ABI1: variants seen among roughly 807,000 people sequenced by gnomAD.
ABI1 encodes Abelson interactor 1.
Under a neutral mutation model 54.6 loss-of-function variants are expected in ABI1, and 14 were observed. That is an observed-to-expected ratio of 0.26 (90% CI 0.17 to 0.40). ABI1 has a LOEUF of 0.40. Ranked by LOEUF, ABI1 falls within the 10% of genes least tolerant of loss-of-function variation. The probability of loss-of-function intolerance (pLI) is 1.00; values close to 1 mark genes in which losing one functional copy is unlikely to be tolerated. For missense variants in ABI1, 443 were observed against 598.3 expected (o/e 0.74, Z 2.71); for synonymous variants, 194 against 209.3 (o/e 0.93, Z 0.63).
At chr10:26,847,343 C>G (rs114986768) in intron 1 of ABI1, among the ~76,000 whole-genome samples, 3 of 152,078 alleles carry the variant, frequency 2.0e-5, no homozygotes, top group Non-Finnish European at 2.9e-5. Context: ...CTCTGAGGAC[C>G]AGGCATGGTG....
chr10:26,782,637 C>T (rs1259153552), intron 2 of ABI1, among the ~76,000 whole-genome samples: 3 of 151,238 alleles, frequency 2.0e-5, no homozygotes, highest in African/African-American at 7.3e-5. Context: ...GCAGGAGAAA[C>T]GCTTGAACCA....
intron 6 of ABI1, among the ~76,000 whole-genome samples, chr10:26,765,697 G>T (rs1839867909): frequency 6.6e-6 from 1 of 151,514 alleles, no homozygotes. Flanking sequence ...AGGGAGAGTG[G>T]GAGGGAAAGT....
intron 5 of ABI1, among the ~76,000 whole-genome samples, chr10:26,770,025 T>C (rs553209647): frequency 6.6e-6 from 1 of 152,200 alleles, no homozygotes; most frequent in Non-Finnish European, 1.5e-5. Flanking sequence ...CATTTATACA[T>C]ACATAAAAAC....
At chr10:26,810,341 G>A (rs968435716) in intron 2 of ABI1, among the ~76,000 whole-genome samples, 1 of 152,032 alleles carries the variant, frequency 6.6e-6, no homozygotes, top group African/African-American at 2.4e-5. Context: ...ATCTGCACCA[G>A]CCCCACTCTT....
chr10:26,794,230 C>T lies in ABI1; in HGVS notation c.286-16989G>A, dbSNP rs368381756. 3.9e-4 allele frequency among the ~76,000 whole-genome samples: 59 copies of T among 151,976 alleles called. 1 individual carries two copies. The South Asian group carries it at 0.012, about 32-fold the overall frequency. On this transcript the variant is annotated intron_variant, in intron 2 of 10. Coordinates refer to ENST00000376140, the MANE Select transcript of ABI1 (RefSeq NM_001012750.3). The stretch of plus-strand genomic sequence containing the variant: ...TGTACTCCAGCCTGAGCAACCCTGT[C>T]TCCAAAATAAATAAAAATAAAAATA...
Position 26,773,212 on chromosome 10 carries a change from A to ATTTTTTTTTTTTTTTTTTTTTTTTT in ABI1, c.463-2124_463-2123insAAAAAAAAAAAAAAAAAAAAAAAAA, listed in dbSNP as rs1342694391. ...CATAGGCACTAAATGTCTAATGCTA[A>ATTTTTTTTTTTTTTTTTTTTTTTTT]TTCTTTTTTTTTTTTTGCTGGCTCT... is the stretch of plus-strand genomic sequence containing the variant. On this transcript the variant is annotated intron_variant, in intron 3 of 10. Coordinates refer to ENST00000376140, the MANE Select transcript of ABI1 (RefSeq NM_001012750.3). Among the ~76,000 whole-genome samples, 21 of 63,320 alleles carry ATTTTTTTTTTTTTTTTTTTTTTTTT rather than the reference A, an allele frequency of 3.3e-4. 2 individuals carry two copies. The highest frequency in any genetic ancestry group is 6.5e-4 in the East Asian group (1 of 1,542). The allele number at this position is 63,320 out of a possible 152,430, so 41.5% of individuals were successfully genotyped here.
At chr10:26,770,871 C>A (rs545493918) in intron 4 of ABI1, among the ~76,000 whole-genome samples, 2 of 152,284 alleles carry the variant, frequency 1.3e-5, no homozygotes, top group African/African-American at 4.8e-5. Context: ...TATATAAACA[C>A]AGATGTCAAT....
chr10:26,850,989 A>G (rs1487506605), intron 1 of ABI1, among the ~76,000 whole-genome samples: 16 of 152,200 alleles, frequency 1.1e-4, no homozygotes, highest in Non-Finnish European at 1.8e-4. Flanking sequence ...AAAGCATGAA[A>G]GAAAGGTCTA....
intron 2 of ABI1, among the ~76,000 whole-genome samples, chr10:26,806,981 A>T (rs1307521067): frequency 6.6e-6 from 1 of 152,220 alleles, no homozygotes; most frequent in African/African-American, 2.4e-5. Context: ...ATCTCAATTG[A>T]TTATCTTTTT....
intron 1 of ABI1, among the ~76,000 whole-genome samples, chr10:26,858,522 G>T (rs901046552): frequency 1.6e-5 from 1 of 64,068 alleles, no homozygotes; most frequent in Admixed American, 2.6e-4. Flanking sequence ...ACCCCACCCC[G>T]CCCCCACAAA....
In ABI1 at chr10:26,751,641, T is replaced by G; in HGVS notation, c.1227A>C (p.Ala409=). 6.2e-7 allele frequency: 1 copy of G among 1,613,404 alleles called. No individual in the cohort carries two copies. Among genetic ancestry groups the G allele is most frequent in the Non-Finnish European group, 8.5e-7 (1 of 1,179,736 alleles). The part of the protein sequence containing the change: ...AAVVQYNDPY[A]DGDPAWAPKN... Reference sequence around the variant, plus strand: ...TGGGGGCCCAAGCAGGATCCCCATCTGCATATGGATCATTATACTGAACTA... The same window carrying G: ...TGGGGGCCCAAGCAGGATCCCCATCGGCATATGGATCATTATACTGAACTA... The change falls in exon 10 of 11, where the codon GCA becomes GCC. Residue 409 remains alanine (A), a synonymous_variant. Coordinates refer to ENST00000376140, the MANE Select transcript of ABI1 (RefSeq NM_001012750.3).
intron 1 of ABI1, among the ~76,000 whole-genome samples, chr10:26,849,398 C>A (rs972876075): frequency 1.3e-5 from 2 of 152,134 alleles, no homozygotes; most frequent in African/African-American, 4.8e-5. Flanking sequence ...TCTATTAAAT[C>A]TTGACCCTTG....
rs1434343721 is a variant in ABI1, at chr10:26,834,130, T to A, written c.118-10825A>T. Among the ~76,000 whole-genome samples the A allele has an allele frequency of 2.6e-5, 4 of 151,746 alleles. No individual in the cohort carries two copies. The East Asian group carries it at 7.7e-4, about 29-fold the overall frequency. ...CTGTAATCCCAGCTACTCAGGAGGG[T>A]GAGGCAGGAGAATCGCTTGAACCCG... On this transcript the variant is annotated intron_variant, in intron 1 of 10. Coordinates refer to ENST00000376140, the MANE Select transcript of ABI1 (RefSeq NM_001012750.3).
chr10:26,807,977 A>G (rs1441665236), intron 2 of ABI1, among the ~76,000 whole-genome samples: 2 of 152,286 alleles, frequency 1.3e-5, no homozygotes, highest in East Asian at 3.9e-4. Context: ...CTGTAGTCCC[A>G]GCTACTCGGG....
chr10:26,806,720 C>T lies in ABI1; in HGVS notation c.285+16418G>A, dbSNP rs140499464. On this transcript the variant is annotated intron_variant, in intron 2 of 10. Coordinates refer to ENST00000376140, the MANE Select transcript of ABI1 (RefSeq NM_001012750.3). The stretch of plus-strand genomic sequence containing the variant: ...TCTCCTGGTCCTTGAATCATATACA[C>T]CAAACAAGTTAACACCTTACAGGGG... 8.8e-4 allele frequency among the ~76,000 whole-genome samples: 134 copies of T among 152,112 alleles called. 1 individual carries two copies. Among genetic ancestry groups the T allele is most frequent in the African/African-American group, 3.1e-3 (127 of 41,504 alleles).
intron 7 of ABI1, among the ~76,000 whole-genome samples, chr10:26,760,308 A>G (rs1838963404): frequency 6.6e-6 from 1 of 152,148 alleles, no homozygotes; most frequent in African/African-American, 2.4e-5. Flanking sequence ...ACAACAAACA[A>G]TGACAGAGTA....
intron 7 of ABI1, among the ~76,000 whole-genome samples, chr10:26,761,628 A>ATATATATC (rs1251258603): frequency 1.3e-5 from 1 of 78,400 alleles, no homozygotes; most frequent in East Asian, 3.0e-4. Context: ...ATATATATAT[A>ATATATATC]TATATATATA....
At chr10:26,748,812 CAA>C (rs932353429) in intron 10 of ABI1, 67 bp from the exon 11 acceptor site, 4 of 1,166,956 alleles carry the variant, frequency 3.4e-6, no homozygotes, top group Admixed American at 2.3e-5. Flanking sequence ...AATTTTAAGA[CAA>C]AGACAATTAA....
At chr10:26,852,756 T>C (rs1220730818) in intron 1 of ABI1, among the ~76,000 whole-genome samples, 1 of 152,100 alleles carries the variant, frequency 6.6e-6, no homozygotes, top group East Asian at 1.9e-4. Flanking sequence ...TAAAGGTAAA[T>C]TGAAGTTTTT....
Sources: gnomAD v4.1 joint callset for allele counts (sites outside exome capture counted in the v4.1 genomes callset) on GRCh38, gnomAD v4.1.1 for gene constraint, MANE v1.5 for transcripts, NCBI Gene and HGNC (gene_info 2026-07-23, HGNC 2026-07-21) for gene names.